The following SOX5 variants were observed in gnomAD, a reference collection of about 807,000 sequenced individuals.
The protein encoded by SOX5 is SRY-box transcription factor 5.
A neutral mutation model predicts 92.0 loss-of-function variants in SOX5; 9 were observed. That is an observed-to-expected ratio of 0.10 (90% CI 0.06 to 0.17). The LOEUF is 0.17. Among genes scored for constraint, SOX5 ranks in the 10% least tolerant of loss-of-function variants. SOX5 has a pLI of 1.00. For missense variants in SOX5, 642 were observed against 944.5 expected (o/e 0.68, Z 4.20); for synonymous variants, 344 against 336.3 (o/e 1.02, Z -0.25).
rs1323134512 is a variant in SOX5, at chr12:23,751,221, AAAT to A, written c.568+4414_568+4416del. ...TTCCAGATCCAACAGTTCTCTCAGA[AAAT>A]AATAAACATTTCCAACCCCTTTGTA... On this transcript the variant is annotated intron_variant, in intron 4 of 14. Transcript: ENST00000451604. 2.6e-5 allele frequency among the ~76,000 whole-genome samples: 4 copies of A among 152,016 alleles called. No individual in the cohort carries two copies. In the South Asian group the frequency reaches 8.3e-4, roughly 32 times the overall value.
chr12:23,735,944 C>G (rs1260608205), intron 5 of SOX5, among the ~76,000 whole-genome samples: 1 of 152,050 alleles, frequency 6.6e-6, no homozygotes, highest in East Asian at 1.9e-4. Flanking sequence ...AGGGTGGAGG[C>G]CATGTATATT....
intron 1 of SOX5, among the ~76,000 whole-genome samples, chr12:24,376,261 G>T (rs115375028): frequency 7.2e-5 from 11 of 152,160 alleles, no homozygotes; most frequent in African/African-American, 2.4e-4. Flanking sequence ...TAGCAGTGTT[G>T]CATTGGAACC....
intron 6 of SOX5, among the ~76,000 whole-genome samples, chr12:23,682,567 C>T (rs563785717): frequency 1.3e-5 from 2 of 151,560 alleles, no homozygotes; most frequent in African/African-American, 4.8e-5. Context: ...CAATTCAAAA[C>T]CTGTACAGTT....
At chr12:24,425,171 T>G (rs1251970786) in intron 1 of SOX5, among the ~76,000 whole-genome samples, 2 of 152,206 alleles carry the variant, frequency 1.3e-5, no homozygotes, top group Non-Finnish European at 2.9e-5. Context: ...GTTTGGAATC[T>G]GGGGCTAACA....
At chr12:24,056,069 C>G (rs1331433366) in intron 4 of SOX5, among the ~76,000 whole-genome samples, 1 of 152,174 alleles carries the variant, frequency 6.6e-6, no homozygotes, top group Non-Finnish European at 1.5e-5. Flanking sequence ...GTGCCATGAC[C>G]TCCTTTACCT....
At chr12:23,674,650 T>C (rs1209600343) in intron 6 of SOX5, among the ~76,000 whole-genome samples, 1 of 152,084 alleles carries the variant, frequency 6.6e-6, no homozygotes, top group Non-Finnish European at 1.5e-5. Flanking sequence ...AAAGGAATAA[T>C]TTTTGAAAGC....
chr12:24,498,485 A>G (rs1314202170), intron 1 of SOX5, among the ~76,000 whole-genome samples: 1 of 152,146 alleles, frequency 6.6e-6, no homozygotes, highest in African/African-American at 2.4e-5. Context: ...ATTAAATAGG[A>G]GTGTTACAAA....
intron 1 of SOX5, among the ~76,000 whole-genome samples, chr12:24,386,126 TACA>T (rs1958386411): frequency 1.3e-5 from 2 of 152,164 alleles, no homozygotes; most frequent in African/African-American, 4.8e-5. Flanking sequence ...TTCATTTCAT[TACA>T]ACATTAATGA....
intron 1 of SOX5, among the ~76,000 whole-genome samples, chr12:24,414,181 CTT>C (rs1341892782): frequency 3.3e-5 from 5 of 152,148 alleles, no homozygotes; most frequent in African/African-American, 1.2e-4. Context: ...TTACTCATCT[CTT>C]TTCTCTGAAA....
intron 2 of SOX5, among the ~76,000 whole-genome samples, chr12:23,865,846 A>AG (rs1280368508): frequency 2.0e-5 from 3 of 152,182 alleles, no homozygotes; most frequent in African/African-American, 7.2e-5. Flanking sequence ...CAGCATTAAG[A>AG]GGAGTTTGAA....
At chr12:23,999,876 TAAAG>T (rs1684598109) in intron 4 of SOX5, among the ~76,000 whole-genome samples, 1 of 151,838 alleles carries the variant, frequency 6.6e-6, no homozygotes, top group African/African-American at 2.4e-5. Context: ...TAATAAATAC[TAAAG>T]AAAGTCCTTT....
intron 4 of SOX5, among the ~76,000 whole-genome samples, chr12:24,059,736 T>C (rs1026639100): frequency 6.6e-6 from 1 of 152,192 alleles, no homozygotes; most frequent in African/African-American, 2.4e-5. Context: ...TGCCAGTTCC[T>C]GGTGGATAGT....
At chr12:24,426,279 G>A (rs1966753130) in intron 1 of SOX5, among the ~76,000 whole-genome samples, 1 of 151,500 alleles carries the variant, frequency 6.6e-6, no homozygotes, top group African/African-American at 2.4e-5. Flanking sequence ...GAGAACACAA[G>A]GCGGGGAACA....
At chr12:23,747,961 T>TAA (rs35270726) in intron 4 of SOX5, among the ~76,000 whole-genome samples, 31,631 of 139,934 alleles carry the variant, frequency 0.23, 3,957 homozygotes, top group African/African-American at 0.33. Context: ...TGAAAGAGAT[T>TAA]AAAAAAAAAA....
In SOX5 at chr12:24,177,348, A is replaced by G. The variant is rs1954933806; in HGVS notation, c.-2+35995T>C. ...GACCCCTTTTAACCACCATATTTCT[A>G]TGTCTCATCTAGAAAGTACACTCAG... On this transcript the variant is annotated intron_variant, in intron 4 of 4. Transcript: ENST00000446891. Among the ~76,000 whole-genome samples the G allele has an allele frequency of 2.0e-5, 3 of 152,172 alleles. No homozygotes were observed. The South Asian group carries it at 6.2e-4, about 32-fold the overall frequency.
At chr12:24,194,785 C>T (rs1010431777) in intron 4 of SOX5, among the ~76,000 whole-genome samples, 32 of 152,030 alleles carry the variant, frequency 2.1e-4, no homozygotes, top group African/African-American at 7.5e-4. Flanking sequence ...CAGCATAAAT[C>T]ATTTAATATG....
chr12:23,534,494 C>T lies in SOX5; in HGVS notation c.2017G>A (p.Ala673Thr). 6.2e-7 allele frequency: 1 copy of T among 1,613,526 alleles called. No individual in the cohort carries two copies. The highest frequency in any genetic ancestry group is 8.5e-7 in the Non-Finnish European group (1 of 1,179,872). The change falls in exon 15 of 15, where the codon GCT becomes ACT. Residue 673 changes from alanine (A) to threonine (T), a missense_variant. Transcript: ENST00000451604. ...ATGGCTCCAGGGTACACAACACCAG[C>T]AGTGGCAATGGGGATCTGTGCTTGT... Reference protein sequence around the residue: ...GQQAQIPIATAGVVYPGAIAM... With the variant: ...GQQAQIPIATTGVVYPGAIAM...
At position 24,016,574 on chromosome 12, in the gene SOX5, T is replaced by C. The variant is rs577560401; in HGVS notation, c.-1-120550A>G. On this transcript the variant is annotated intron_variant, in intron 4 of 4. Transcript: ENST00000446891. Reference sequence around the variant, plus strand: ...AACAAGTAGGACAGATTAGAGAAGGTGCCAAATGGGCTCTAATGACTTTGG... The same window carrying C: ...AACAAGTAGGACAGATTAGAGAAGGCGCCAAATGGGCTCTAATGACTTTGG... 1.6e-4 allele frequency among the ~76,000 whole-genome samples: 24 copies of C among 152,192 alleles called. No individual in the cohort carries two copies. In the South Asian group the frequency reaches 5.0e-3, roughly 31 times the overall value.
At chr12:23,887,952 T>C (rs923680366) in intron 2 of SOX5, among the ~76,000 whole-genome samples, 4 of 151,636 alleles carry the variant, frequency 2.6e-5, no homozygotes, top group Non-Finnish European at 5.9e-5. Context: ...TGTGTGTGTA[T>C]TTAATATCTA....
Sources: allele counts gnomAD v4.1 joint callset (sites outside exome capture counted in the v4.1 genomes callset), GRCh38; gene constraint gnomAD v4.1.1; transcripts MANE v1.5; gene names NCBI Gene and HGNC (gene_info 2026-07-23, HGNC 2026-07-21).